Variants in MIB1 observed in about 807,000 individuals in gnomAD.
MIB1 encodes the protein MIB E3 ubiquitin protein ligase 1.
A neutral mutation model predicts 124.5 loss-of-function variants in MIB1; 278 were observed. The ratio of observed to expected loss-of-function variants is 2.23; its 90% confidence interval spans 2.02 to 2.47. The LOEUF is 2.47. Among genes scored for constraint, MIB1 ranks in the 30% most tolerant of loss-of-function variants. The pLI is 0.00. For missense variants in MIB1, 957 were observed against 1,254.4 expected, an observed-to-expected ratio of 0.76 and a Z score of 3.58; for synonymous variants, 446 against 429.4, an observed-to-expected ratio of 1.04 and a Z score of -0.48.
intron 13 of MIB1, among the ~76,000 whole-genome samples, chr18:21,840,671 T>A (rs201273494): frequency 5.8e-5 from 2 of 34,580 alleles, no homozygotes; most frequent in African/African-American, 1.1e-4. Context: ...ATATATTTTT[T>A]TTTTTTTTTA....
At chr18:21,811,244 A>G (rs1445590008) in intron 10 of MIB1, among the ~76,000 whole-genome samples, 1 of 152,162 alleles carries the variant, frequency 6.6e-6, no homozygotes, top group Non-Finnish European at 1.5e-5. Flanking sequence ...ATGTGGAGTA[A>G]TTAGAACTCT....
intron 10 of MIB1, among the ~76,000 whole-genome samples, chr18:21,814,440 G>A (rs916140973): frequency 6.6e-6 from 1 of 151,150 alleles, no homozygotes; most frequent in Admixed American, 6.6e-5. Flanking sequence ...TTTGTAGGAC[G>A]TGCACGGTGG....
At position 21,870,007 on chromosome 18, in the gene MIB1, T is replaced by A. The variant is rs2042344697; in HGVS notation, c.*5341T>A. 6.6e-6 allele frequency: 1 copy of A among 152,480 alleles called. No individual in the cohort carries two copies. Among genetic ancestry groups the A allele is most frequent in the Non-Finnish European group, 1.5e-5 (1 of 67,960 alleles). The allele number at this position is 152,480 out of a possible 1,614,324, so 9.4% of individuals were successfully genotyped here. A position where few individuals can be genotyped will look rare whatever the true frequency, so the allele number is the denominator to read the frequency against. On this transcript the variant is annotated 3_prime_UTR_variant, in exon 21 of 21. Coordinates refer to ENST00000261537, the MANE Select transcript of MIB1 (RefSeq NM_020774.4). Reference sequence around the variant, plus strand: ...AGCAGTGTTTTGTATTTTTTCTAATTCTTTAGCTTTCAATATTGGATTAAA... The same window carrying A: ...AGCAGTGTTTTGTATTTTTTCTAATACTTTAGCTTTCAATATTGGATTAAA...
At chr18:21,721,585 AT>A (rs1443134406) in intron 1 of MIB1, among the ~76,000 whole-genome samples, 1 of 152,070 alleles carries the variant, frequency 6.6e-6, no homozygotes, top group African/African-American at 2.4e-5. Flanking sequence ...TCAAGGGAAT[AT>A]TTTTTGGGGA....
At chr18:21,739,781 TG>T (rs1194979271), upstream of MIB1, among the ~76,000 whole-genome samples, 2 of 151,956 alleles carry the variant, frequency 1.3e-5, no homozygotes, top group Non-Finnish European at 2.9e-5. Context: ...TGGGCGTGGT[TG>T]TGCGTTCCTG....
chr18:21,791,332 A>C (rs1263780050), intron 6 of MIB1, 42 bp from the exon 7 acceptor site: 3 of 1,506,794 alleles, frequency 2.0e-6, no homozygotes, highest in Middle Eastern at 1.8e-4. Flanking sequence ...TATTAAAATT[A>C]AGCAAAGCTA....
At chr18:21,862,152 C>T (rs1297121518) in intron 20 of MIB1, among the ~76,000 whole-genome samples, 1 of 152,296 alleles carries the variant, frequency 6.6e-6, no homozygotes, top group East Asian at 1.9e-4. Context: ...TTACCTCGGC[C>T]TCCCAAAGTG....
At chr18:21,849,512 T>C in intron 17 of MIB1, 124 bp downstream of exon 17, 1 of 470,262 alleles carries the variant, frequency 2.1e-6, no homozygotes, top group Non-Finnish European at 3.6e-6. Flanking sequence ...GATTTAAATA[T>C]AGGAATATAT....
intron 1 of MIB1, among the ~76,000 whole-genome samples, chr18:21,730,466 T>C (rs1439305479): frequency 2.0e-5 from 3 of 151,902 alleles, no homozygotes; most frequent in Non-Finnish European, 2.9e-5. Flanking sequence ...TGCTCAGGAG[T>C]CTGAGGCGGG....
At chr18:21,798,782 G>C (rs1197889703) in intron 8 of MIB1, among the ~76,000 whole-genome samples, 1 of 151,968 alleles carries the variant, frequency 6.6e-6, no homozygotes, top group South Asian at 2.1e-4. Context: ...TCTTTCCTGT[G>C]CTCCAGCTTT....
At chr18:21,779,436 G>T (rs745419791) in intron 5 of MIB1, 45 bp from the exon 6 acceptor site, 1 of 1,479,318 alleles carries the variant, frequency 6.8e-7, no homozygotes, top group Admixed American at 1.7e-5. Context: ...GCCTGTTGTT[G>T]TGAGGTTTTT....
At chr18:21,802,975 C>T (rs1216039828) in intron 9 of MIB1, among the ~76,000 whole-genome samples, 1 of 152,150 alleles carries the variant, frequency 6.6e-6, no homozygotes, top group Non-Finnish European at 1.5e-5. Context: ...GCACATCAGA[C>T]TTATACCTGA....
rs1374459146 is a variant in MIB1, at chr18:21,781,377, A to G, written c.908+1692A>G. On this transcript the variant is annotated intron_variant, in intron 6 of 20. Coordinates refer to ENST00000261537, the MANE Select transcript of MIB1 (RefSeq NM_020774.4). Reference sequence around the variant, plus strand: ...TGGTCTGTTCAAGTTATATATATATATATATATATATATATATATATATAT... The same window carrying G: ...TGGTCTGTTCAAGTTATATATATATGTATATATATATATATATATATATAT... Among the ~76,000 whole-genome samples, 3 of 41,814 alleles carry G rather than the reference A, an allele frequency of 7.2e-5. No individual in the cohort carries two copies. In the East Asian group the frequency reaches 3.2e-3, roughly 44 times the overall value. 27.4% of individuals were successfully genotyped at this position (41,814 alleles called of 152,430 possible).
chr18:21,768,541 C>T, intron 2 of MIB1, 82 bp from the exon 3 acceptor site: 2 of 1,019,828 alleles, frequency 2.0e-6, no homozygotes, highest in South Asian at 3.2e-5. Flanking sequence ...TTCAAAATAA[C>T]ATTTTTATAA....
At chr18:21,806,716 C>A (rs1487277262) in intron 10 of MIB1, among the ~76,000 whole-genome samples, 1 of 151,798 alleles carries the variant, frequency 6.6e-6, no homozygotes, top group South Asian at 2.1e-4. Context: ...CTCTGCCTCC[C>A]GGGTTCACGC....
chr18:21,801,588 A>G (rs2041651236), intron 9 of MIB1, among the ~76,000 whole-genome samples: 1 of 152,190 alleles, frequency 6.6e-6, no homozygotes, highest in Non-Finnish European at 1.5e-5. Context: ...ATTAAGATGT[A>G]GAATATTTCC....
intron 1 of MIB1, among the ~76,000 whole-genome samples, chr18:21,764,587 A>G (rs2041134532): frequency 6.6e-6 from 1 of 152,216 alleles, no homozygotes; most frequent in East Asian, 1.9e-4. Context: ...CTTCTATTTA[A>G]TTATGGAAAT....
chr18:21,845,969 A>G (rs1482259607), intron 15 of MIB1, among the ~76,000 whole-genome samples: 1 of 152,070 alleles, frequency 6.6e-6, no homozygotes, highest in Non-Finnish European at 1.5e-5. Flanking sequence ...CTTTTATCCA[A>G]AATCAGTTAA....
chr18:21,775,069 C>G (rs562280720), intron 4 of MIB1, among the ~76,000 whole-genome samples: 1 of 152,036 alleles, frequency 6.6e-6, no homozygotes, highest in African/African-American at 2.4e-5. Context: ...CCTCAGCCTT[C>G]CTAGTAGCTG....
Sources: allele counts gnomAD v4.1 joint callset (sites outside exome capture counted in the v4.1 genomes callset), GRCh38; gene constraint gnomAD v4.1.1; transcripts MANE v1.5; gene names NCBI Gene and HGNC (gene_info 2026-07-23, HGNC 2026-07-21).